Variants in KIAA0586 observed in about 807,000 individuals in gnomAD.
KIAA0586 encodes the protein KIAA0586, also known as protein TALPID3.
Under a neutral mutation model 169.8 loss-of-function variants are expected in KIAA0586, and 144 were observed. That is an observed-to-expected ratio of 0.85 (90% confidence interval 0.74 to 0.97). The LOEUF (loss-of-function observed/expected upper bound fraction) is 0.97. KIAA0586 is among the 50% of genes least tolerant of loss of function. KIAA0586 has a pLI of 0.00. For synonymous variants in KIAA0586, 625 were observed against 612.4 expected (o/e 1.02, Z -0.30); for missense variants, 1,854 against 1,823.0 (o/e 1.02, Z -0.31).
In KIAA0586 at chr14:58,550,956, A is replaced by C. The variant is rs973010434; in HGVS notation, c.*3024A>C. 3 of 152,302 alleles carry C rather than the reference A, an allele frequency of 2.0e-5. No individual in the cohort carries two copies. 9.4% of individuals were successfully genotyped at this position (152,302 alleles called of 1,614,324 possible). ...GTAATCCCAGCACTTTGGGAGGCTG[A>C]GGCAGGCAGATCACCCAAGGTTAGG... On this transcript the variant is annotated 3_prime_UTR_variant, in exon 31 of 31. Coordinates refer to ENST00000652326, the MANE Select transcript of KIAA0586 (RefSeq NM_001329943.3).
At chr14:58,465,067 T>TA (rs2040639906) in intron 14 of KIAA0586, among the ~76,000 whole-genome samples, 1 of 152,056 alleles carries the variant, frequency 6.6e-6, no homozygotes, top group Admixed American at 6.6e-5. Context: ...AGACTCCATC[T>TA]AAAAAAAATT....
At chr14:58,532,947 G>T (rs562908296) in intron 29 of KIAA0586, among the ~76,000 whole-genome samples, 44 of 152,212 alleles carry the variant, frequency 2.9e-4, no homozygotes, top group Middle Eastern at 3.4e-3. Context: ...AAATCTAATT[G>T]TTAGTCTTTG....
intron 29 of KIAA0586, chr14:58,521,738 G>A (rs56008402): frequency 2.4e-6 from 2 of 830,264 alleles, no homozygotes; most frequent in Non-Finnish European, 4.2e-6. Flanking sequence ...AAAAGGAACA[G>A]GGGAAACAAG....
downstream of KIAA0586, among the ~76,000 whole-genome samples, chr14:58,554,354 T>G (rs1366473089): frequency 6.6e-6 from 1 of 152,120 alleles, no homozygotes; most frequent in Non-Finnish European, 1.5e-5. Flanking sequence ...AACATTGATT[T>G]CTCTTCTAGT....
At chr14:58,461,272 T>C in intron 14 of KIAA0586, 112 bp downstream of exon 14, 1 of 645,430 alleles carries the variant, frequency 1.5e-6, no homozygotes. Context: ...TCAAGTTATA[T>C]GATGCTTGGG....
chr14:58,526,791 T>C (rs1237616590), intron 29 of KIAA0586, among the ~76,000 whole-genome samples: 1 of 152,104 alleles, frequency 6.6e-6, no homozygotes, highest in East Asian at 1.9e-4. Context: ...CCCTTTCTAT[T>C]CCTTCAAATT....
chr14:58,440,190 G>A (rs767931483), intron 4 of KIAA0586: 6 of 447,364 alleles, frequency 1.3e-5, no homozygotes, highest in African/African-American at 8.2e-5. Context: ...CCTAATTCAG[G>A]CTTCTTAATA....
chr14:58,497,404 G>A (rs574575309), intron 26 of KIAA0586, among the ~76,000 whole-genome samples: 1 of 150,806 alleles, frequency 6.6e-6, no homozygotes, highest in Non-Finnish European at 1.5e-5. Context: ...CTGTCGCCCA[G>A]GCTGGAGTTC....
At position 58,467,885 on chromosome 14, in the gene KIAA0586, A is replaced by G. The variant is rs1481124375; in HGVS notation, c.2405A>G (p.Lys802Arg). ...KKPNIAIVEM[K>R]SEKKDPPQLT... is the part of the protein sequence containing the mutation. ...CCTAACATAGCCATTGTAGAAATGA[A>G]GTCAGAAAAAAAGGATCCTCCTCAG... Residue 802 changes from lysine (K) to arginine (R), a missense_variant, in exon 16 of 31, where the codon AAG (lysine) becomes AGG (arginine). By Grantham distance (26) the Lys-to-Arg change is conservative (BLOSUM62 2). Transcript: ENST00000652326. 2 of 1,613,684 alleles carry G rather than the reference A, an allele frequency of 1.2e-6. No individual in the cohort carries two copies.
rs967352836 is a variant in KIAA0586 at position 58,499,001 on chromosome 14, A to T, written c.4168+41A>T. Reference sequence around the variant, plus strand: ...TTTTTTCTTGATGTGTCATAGTAGTATCCCTAATCTGAGTTGAGGAAAGTA... The same window carrying T: ...TTTTTTCTTGATGTGTCATAGTAGTTTCCCTAATCTGAGTTGAGGAAAGTA... On this transcript the variant is annotated intron_variant, in intron 27 of 30. Coordinates refer to ENST00000652326, the MANE Select transcript of KIAA0586 (RefSeq NM_001329943.3). 1.3e-5 allele frequency: 19 copies of T among 1,496,476 alleles called. No homozygotes were observed. In the Admixed American group the frequency reaches 2.1e-4, roughly 16 times the overall value. The allele number at this position is 1,496,476 out of a possible 1,614,324, so 92.7% of individuals were successfully genotyped here. A position where few individuals can be genotyped will look rare whatever the true frequency, so the allele number is the denominator to read the frequency against.
chr14:58,488,037 GGGGTGATGGA>G lies in KIAA0586; in HGVS notation c.3457_3466del (p.Gly1153ThrfsTer22). Reference sequence around the variant, plus strand: ...TCAAGCCCAGAGCTTCCCAAGCCATGGGGTGATGGAGACCTGCCACTGGAAGAAGAGAACC... The same window carrying G: ...TCAAGCCCAGAGCTTCCCAAGCCATGGACCTGCCACTGGAAGAAGAGAACC... On this transcript the variant is annotated frameshift_variant, in exon 23 of 31. Transcript: ENST00000652326. LOFTEE classifies it high-confidence loss of function. The G allele has an allele frequency of 6.2e-7, 1 of 1,610,916 alleles. No individual in the cohort carries two copies. The highest frequency in any genetic ancestry group is 8.5e-7 in the Non-Finnish European group (1 of 1,178,630).
chr14:58,430,931 CT>C (rs1461372989), intron 3 of KIAA0586, among the ~76,000 whole-genome samples: 8 of 152,122 alleles, frequency 5.3e-5, no homozygotes, highest in African/African-American at 1.9e-4. Context: ...GGGCATCCTA[CT>C]TTTTGTCTCT....
chr14:58,520,510 TTTGTTGTTG>T lies in KIAA0586; in HGVS notation c.4429+7905_4429+7913del, dbSNP rs56230772. Among the ~76,000 whole-genome samples the T allele has an allele frequency of 2.3e-4, 34 of 150,506 alleles. 1 individual carries two copies. Among genetic ancestry groups the T allele is most frequent in the Non-Finnish European group, 4.0e-4 (27 of 67,710 alleles). Reference sequence around the variant, plus strand: ...ATGTTTTCTTTTAGTTTTTTGGGGTTTTGTTGTTGTTGTTGTTGTTGTTGTTGTTGAGAC... The same window carrying T: ...ATGTTTTCTTTTAGTTTTTTGGGGTTTTGTTGTTGTTGTTGTTGTTGAGAC... On this transcript the variant is annotated intron_variant, in intron 29 of 30. Coordinates refer to ENST00000652326, the MANE Select transcript of KIAA0586 (RefSeq NM_001329943.3).
the KIAA0586 span, among the ~76,000 whole-genome samples, chr14:58,561,886 C>T: frequency 6.6e-6 from 1 of 152,054 alleles, no homozygotes; most frequent in African/African-American, 2.4e-5. Flanking sequence ...GAATTCATTT[C>T]GTACACAAGA....
At chr14:58,465,359 T>C (rs144137482) in intron 14 of KIAA0586, among the ~76,000 whole-genome samples, 105 of 152,344 alleles carry the variant, frequency 6.9e-4, no homozygotes, top group Non-Finnish European at 1.1e-3. Flanking sequence ...TCATTAACTT[T>C]TTCGTACCTA....
chr14:58,552,537 T>C (rs961561865), downstream of KIAA0586, among the ~76,000 whole-genome samples: 2 of 152,200 alleles, frequency 1.3e-5, no homozygotes, highest in African/African-American at 4.8e-5. Flanking sequence ...GTGACATTTA[T>C]AATTTCAGCC....
intron 7 of KIAA0586, among the ~76,000 whole-genome samples, chr14:58,449,177 T>G (rs1322348689): frequency 6.6e-6 from 1 of 152,230 alleles, no homozygotes; most frequent in Non-Finnish European, 1.5e-5. Context: ...ACTTGATTTG[T>G]TAGAACAGTG....
chr14:58,505,475 T>C (rs1050535894), intron 27 of KIAA0586, among the ~76,000 whole-genome samples: 1 of 152,210 alleles, frequency 6.6e-6, no homozygotes, highest in East Asian at 1.9e-4. Context: ...CTCCAGTGTA[T>C]GTACTCCTGG....
At chr14:58,482,380 C>A in intron 20 of KIAA0586, 133 bp from the exon 21 acceptor site, 1 of 608,362 alleles carries the variant, frequency 1.6e-6, no homozygotes, top group Non-Finnish European at 2.5e-6. Flanking sequence ...GAGCCAAGAT[C>A]ACATCATTGC....
Sources: gnomAD v4.1 joint callset for allele counts (sites outside exome capture counted in the v4.1 genomes callset) on GRCh38, gnomAD v4.1.1 for gene constraint, MANE v1.5 for transcripts, NCBI Gene and HGNC (gene_info 2026-07-23, HGNC 2026-07-21) for gene names.